The following AAK1 variants were observed in gnomAD, a reference collection of about 807,000 sequenced individuals.
AAK1 encodes AP2 associated kinase 1.
Under a neutral mutation model 116.0 loss-of-function variants are expected in AAK1, and 37 were observed. The ratio of observed to expected loss-of-function variants is 0.32; its 90% CI spans 0.25 to 0.42. AAK1 has a LOEUF of 0.42. AAK1 is among the 10% of genes least tolerant of loss of function. AAK1 has a pLI of 1.00. For synonymous variants in AAK1, 458 were observed against 439.9 expected (o/e 1.04, Z -0.51); for missense variants, 919 against 1,170.6 (o/e 0.79, Z 3.14).
At chr2:69,523,729 G>A (rs1669891392) in intron 10 of AAK1, among the ~76,000 whole-genome samples, 1 of 152,236 alleles carries the variant, frequency 6.6e-6, no homozygotes, top group Admixed American at 6.5e-5. Flanking sequence ...ACTAAATGCA[G>A]CACTGCTGTG....
At chr2:69,565,800 T>G (rs1042866258) in intron 2 of AAK1, among the ~76,000 whole-genome samples, 7 of 151,304 alleles carry the variant, frequency 4.6e-5, no homozygotes, top group Admixed American at 1.3e-4. Flanking sequence ...GGTGGGAGAG[T>G]GTCCTCTCCA....
intron 2 of AAK1, among the ~76,000 whole-genome samples, chr2:69,621,481 A>G (rs1212327619): frequency 6.8e-6 from 1 of 147,674 alleles, no homozygotes; most frequent in African/African-American, 2.5e-5. Context: ...AACTCCACCA[A>G]AAAAAAAAAG....
chr2:69,553,437 G>GTTT (rs70954350), intron 3 of AAK1, among the ~76,000 whole-genome samples: 4,118 of 79,468 alleles, frequency 0.052, 222 homozygotes, highest in African/African-American at 0.079. Flanking sequence ...ATTGAAAGTT[G>GTTT]TTTTTTTTTT....
intron 2 of AAK1, among the ~76,000 whole-genome samples, chr2:69,586,119 T>C (rs959499828): frequency 1.2e-4 from 19 of 152,248 alleles, no homozygotes; most frequent in African/African-American, 4.6e-4. Context: ...TATGAACTCA[T>C]TAAAAAGAAT....
chr2:69,565,885 G>A (rs961443143), intron 2 of AAK1, among the ~76,000 whole-genome samples: 11 of 152,054 alleles, frequency 7.2e-5, no homozygotes, highest in Non-Finnish European at 1.0e-4. Context: ...CACTATGCAG[G>A]TGGCAGAGTG....
intron 17 of AAK1, among the ~76,000 whole-genome samples, chr2:69,488,926 T>A (rs1675409372): frequency 6.6e-6 from 1 of 151,934 alleles, no homozygotes; most frequent in South Asian, 2.1e-4. Flanking sequence ...GCGCAGTGGC[T>A]CACACTTGTA....
chr2:69,507,342 A>G, intron 15 of AAK1, 79 bp downstream of exon 15: 2 of 1,515,184 alleles, frequency 1.3e-6, no homozygotes, highest in Non-Finnish European at 1.8e-6. Flanking sequence ...TAGAGTTACG[A>G]TTCTTTCTCA....
intron 3 of AAK1, among the ~76,000 whole-genome samples, chr2:69,553,502 G>A (rs1671267666): frequency 7.4e-6 from 1 of 134,688 alleles, no homozygotes; most frequent in Non-Finnish European, 1.5e-5. Context: ...GGAGTGTAGT[G>A]GCGTGATGTT....
chr2:69,562,600 A>C (rs1671688971), intron 2 of AAK1, among the ~76,000 whole-genome samples: 1 of 152,168 alleles, frequency 6.6e-6, no homozygotes, highest in South Asian at 2.1e-4. Context: ...ACTTTTAAAA[A>C]ACAAAGACAG....
intron 18 of AAK1, chr2:69,482,470 T>A (rs918353855): frequency 1.9e-5 from 12 of 617,538 alleles, no homozygotes; most frequent in East Asian, 1.7e-4. Flanking sequence ...TCCACATTCC[T>A]CCTCATTCAT....
intron 2 of AAK1, among the ~76,000 whole-genome samples, chr2:69,625,508 G>A (rs1674856535): frequency 6.6e-6 from 1 of 152,122 alleles, no homozygotes; most frequent in African/African-American, 2.4e-5. Flanking sequence ...TGTTAGAGTT[G>A]GAAAGTAAAT....
chr2:69,579,311 G>A (rs763412127), intron 2 of AAK1, among the ~76,000 whole-genome samples: 3 of 152,200 alleles, frequency 2.0e-5, no homozygotes, highest in Non-Finnish European at 4.4e-5. Context: ...CAGGCCTGGT[G>A]GCTCATGCCT....
At position 69,542,617 on chromosome 2, in the gene AAK1, G is replaced by A. The variant is rs1460299926; in HGVS notation, c.440C>T (p.Thr147Ile). The A allele has an allele frequency of 1.2e-6, 2 of 1,613,988 alleles. No homozygotes were observed. The highest frequency in any genetic ancestry group is 3.3e-5 in the Admixed American group (2 of 60,026). Reference sequence around the variant, plus strand: ...AAATATCTGGAGCACTTCATTCTCTGTAAAGCCTGTTTGCAGGCGCTGGTT... The same window carrying A: ...AAATATCTGGAGCACTTCATTCTCTATAAAGCCTGTTTGCAGGCGCTGGTT... ...LMNQRLQTGF[T>I]ENEVLQIFCD... is the part of the protein sequence containing the mutation. The change falls in exon 5 of 22, where the codon ACA (threonine) becomes ATA (isoleucine). Residue 147 changes from threonine (T) to isoleucine (I), a missense_variant. Coordinates refer to ENST00000409085, the MANE Select transcript of AAK1 (RefSeq NM_014911.5).
chr2:69,643,348 G>A, intron 1 of AAK1, 74 bp from the exon 2 acceptor site: 1 of 1,223,364 alleles, frequency 8.2e-7, no homozygotes. Flanking sequence ...GTCCTAGGGG[G>A]AGCAAAAGCC....
At position 69,465,741 on chromosome 2, in the gene AAK1, C is replaced by T. The variant is rs536007779; in HGVS notation, c.*10128G>A. 5 of 1,290,780 alleles carry T rather than the reference C, an allele frequency of 3.9e-6. No individual in the cohort carries two copies. The highest frequency in any genetic ancestry group is 1.2e-5 in the South Asian group (1 of 81,028). The allele number at this position is 1,290,780 out of a possible 1,614,324, so 80.0% of individuals were successfully genotyped here. A position where few individuals can be genotyped will look rare whatever the true frequency, so the allele number is the denominator to read the frequency against. ...ATTAGAATGACCCCCAGATTCCAGG[C>T]AGGATCCCCTGGGAGAGATGCTGTC... On this transcript the variant is annotated 3_prime_UTR_variant, in exon 22 of 22. Coordinates refer to ENST00000409085, the MANE Select transcript of AAK1 (RefSeq NM_014911.5).
Position 69,519,089 on chromosome 2 carries a change from G to GGGCAGACCCTGGGCCTGAGTA in AAK1, c.1341_1361dup (p.Thr448_Pro454dup). On this transcript the variant is annotated inframe_insertion, in exon 12 of 22. Coordinates refer to ENST00000409085, the MANE Select transcript of AAK1 (RefSeq NM_014911.5). ...GCTGGGGTGTGGCCTGGGCCTGAGC[G>GGGCAGACCCTGGGCCTGAGTA]GGCAGACCCTGGGCCTGAGTAGAAG... is the stretch of plus-strand genomic sequence containing the variant. 1 of 1,552,246 alleles carries GGGCAGACCCTGGGCCTGAGTA rather than the reference G, an allele frequency of 6.4e-7. No individual in the cohort carries two copies. Among genetic ancestry groups the GGGCAGACCCTGGGCCTGAGTA allele is most frequent in the South Asian group, 1.2e-5 (1 of 84,096 alleles).
chr2:69,575,242 G>A (rs1672257376), intron 2 of AAK1, among the ~76,000 whole-genome samples: 1 of 151,866 alleles, frequency 6.6e-6, no homozygotes, highest in East Asian at 1.9e-4. Context: ...AGGACCGGGA[G>A]CACACTAGCA....
At chr2:69,524,276 T>C (rs1466797010) in intron 10 of AAK1, among the ~76,000 whole-genome samples, 1 of 152,150 alleles carries the variant, frequency 6.6e-6, no homozygotes. Flanking sequence ...AGGGTCTCAC[T>C]GTATTGCCCA....
In AAK1 at chr2:69,458,728, C is replaced by CACAA. The variant is rs1057162998; in HGVS notation, c.*17140_*17141insTTGT. 1.3e-5 allele frequency: 2 copies of CACAA among 152,402 alleles called. No homozygotes were observed. Among genetic ancestry groups the CACAA allele is most frequent in the African/African-American group, 4.8e-5 (2 of 41,372 alleles). 9.4% of individuals were successfully genotyped at this position (152,402 alleles called of 1,614,324 possible). A position where few individuals can be genotyped will look rare whatever the true frequency, so the allele number is the denominator to read the frequency against. ...ATGAGCACACACACACACACACACA[C>CACAA]CCCATTCACACTCAAATAGGAATCT... On this transcript the variant is annotated 3_prime_UTR_variant, in exon 22 of 22. Coordinates refer to ENST00000409085, the MANE Select transcript of AAK1 (RefSeq NM_014911.5).
Sources: allele counts gnomAD v4.1 joint callset (sites outside exome capture counted in the v4.1 genomes callset), GRCh38; gene constraint gnomAD v4.1.1; transcripts MANE v1.5; gene names NCBI Gene and HGNC (gene_info 2026-07-23, HGNC 2026-07-21).